ADGRB3: variants seen among roughly 807,000 people sequenced by gnomAD.
The protein encoded by ADGRB3 is brain-specific angiogenesis inhibitor 3.
In ADGRB3, 37 loss-of-function variants were observed where a neutral mutation model predicts 193.4. The ratio of observed to expected loss-of-function variants is 0.19; its 90% confidence interval spans 0.15 to 0.25. The LOEUF is 0.25. Among genes scored for constraint, ADGRB3 ranks in the 10% least tolerant of loss-of-function variants. ADGRB3 has a pLI of 1.00. For missense variants in ADGRB3, 1,637 were observed against 1,852.9 expected (o/e 0.88, Z 2.14); for synonymous variants, 690 against 644.2 (o/e 1.07, Z -1.08).
intron 3 of ADGRB3, among the ~76,000 whole-genome samples, chr6:68,788,697 C>A (rs972559545): frequency 5.3e-5 from 8 of 152,152 alleles, no homozygotes; most frequent in African/African-American, 1.4e-4. Context: ...GAGTTCAATT[C>A]CTGGGTATCC....
intron 3 of ADGRB3, among the ~76,000 whole-genome samples, chr6:68,906,596 C>G (rs1307772495): frequency 6.6e-6 from 1 of 151,904 alleles, no homozygotes; most frequent in Non-Finnish European, 1.5e-5. Flanking sequence ...AATTTAGAAT[C>G]CAATTGCATT....
At chr6:68,676,261 G>A (rs2746134) in intron 3 of ADGRB3, among the ~76,000 whole-genome samples, 57,746 of 151,562 alleles carry the variant, frequency 0.38, 11,572 homozygotes, top group East Asian at 0.59. Context: ...GCGTGGTGGC[G>A]CGTGCCTGTA....
At chr6:68,833,383 C>A (rs967014626) in intron 3 of ADGRB3, among the ~76,000 whole-genome samples, 1 of 151,342 alleles carries the variant, frequency 6.6e-6, no homozygotes, top group African/African-American at 2.4e-5. Flanking sequence ...TTATACTATT[C>A]TTGGTAATAT....
intron 20 of ADGRB3, among the ~76,000 whole-genome samples, chr6:69,250,280 C>T (rs1368280371): frequency 6.6e-6 from 1 of 151,786 alleles, no homozygotes; most frequent in Non-Finnish European, 1.5e-5. Context: ...ATGTGTATTG[C>T]TTTTACAAAA....
chr6:69,076,134 A>C, intron 17 of ADGRB3, 96 bp downstream of exon 17: 1 of 1,054,280 alleles, frequency 9.5e-7, no homozygotes, highest in South Asian at 1.4e-5. Flanking sequence ...AATATAAGTC[A>C]GTGGGATGTT....
intron 16 of ADGRB3, among the ~76,000 whole-genome samples, chr6:69,064,279 C>CTTTAAACTATTCTAAATAGTTTAACTA (rs1265388866): frequency 5.3e-5 from 8 of 151,414 alleles, no homozygotes; most frequent in Non-Finnish European, 8.9e-5. Context: ...AACTATTTAA[C>CTTTAAACTATTCTAAATAGTTTAACTA]TTTAAACTAT....
chr6:69,185,121 A>G (rs1765041956), intron 17 of ADGRB3, among the ~76,000 whole-genome samples: 1 of 152,164 alleles, frequency 6.6e-6, no homozygotes, highest in African/African-American at 2.4e-5. Flanking sequence ...ACAAGAAAAT[A>G]TCTTACGTTT....
At chr6:68,799,076 C>T (rs1013825647) in intron 3 of ADGRB3, among the ~76,000 whole-genome samples, 1 of 151,960 alleles carries the variant, frequency 6.6e-6, no homozygotes, top group Non-Finnish European at 1.5e-5. Context: ...ACATAAATAC[C>T]TTTTCGTTTA....
At chr6:69,377,445 T>C (rs2127343574) in intron 30 of ADGRB3, among the ~76,000 whole-genome samples, 1 of 152,088 alleles carries the variant, frequency 6.6e-6, no homozygotes, top group South Asian at 2.1e-4. Context: ...GCCAAAAAAC[T>C]TAAAAATATT....
chr6:69,382,436 A>G (rs1413975372), intron 30 of ADGRB3, among the ~76,000 whole-genome samples: 1 of 152,026 alleles, frequency 6.6e-6, no homozygotes, highest in Non-Finnish European at 1.5e-5. Context: ...TAAAAAAGTA[A>G]TATTTCCCAT....
intron 17 of ADGRB3, among the ~76,000 whole-genome samples, chr6:69,184,127 G>A (rs917382193): frequency 6.6e-6 from 1 of 152,080 alleles, no homozygotes; most frequent in Non-Finnish European, 1.5e-5. Flanking sequence ...AAAAGAAATG[G>A]ATACATCAAT....
At chr6:69,377,079 A>G (rs1213023479) in intron 30 of ADGRB3, among the ~76,000 whole-genome samples, 1 of 152,070 alleles carries the variant, frequency 6.6e-6, no homozygotes, top group Non-Finnish European at 1.5e-5. Context: ...AGCCAAGGAA[A>G]TCATCCCCCT....
At chr6:68,946,937 G>A (rs1682042148) in intron 6 of ADGRB3, among the ~76,000 whole-genome samples, 1 of 152,080 alleles carries the variant, frequency 6.6e-6, no homozygotes. Flanking sequence ...TATGCTATCA[G>A]ATTCCTTGCT....
intron 3 of ADGRB3, among the ~76,000 whole-genome samples, chr6:68,854,784 C>T (rs1764927492): frequency 6.6e-6 from 1 of 152,090 alleles, no homozygotes; most frequent in African/African-American, 2.4e-5. Context: ...CTGTGTTTTC[C>T]TTGCCTTGCC....
At chr6:68,795,041 C>T (rs1349170017) in intron 3 of ADGRB3, among the ~76,000 whole-genome samples, 3 of 152,042 alleles carry the variant, frequency 2.0e-5, no homozygotes, top group Non-Finnish European at 2.9e-5. Flanking sequence ...AAAATACACA[C>T]TAATGCCATA....
At chr6:69,243,817 G>A (rs1766432552) in intron 20 of ADGRB3, among the ~76,000 whole-genome samples, 1 of 151,786 alleles carries the variant, frequency 6.6e-6, no homozygotes, top group Admixed American at 6.6e-5. Flanking sequence ...GGGCATTCTT[G>A]GACTCCTCCT....
chr6:69,046,138 T>C (rs748792188), intron 13 of ADGRB3, among the ~76,000 whole-genome samples: 4 of 152,182 alleles, frequency 2.6e-5, no homozygotes, highest in Non-Finnish European at 5.9e-5. Flanking sequence ...TTCCATCTAA[T>C]GTGTATAGAG....
rs1396114395 is a variant in ADGRB3, at chr6:69,368,885, A to G, written c.4240-3521A>G. On this transcript the variant is annotated intron_variant, in intron 29 of 31. Transcript: ENST00000370598. ...TATTGAGAATAGAATACAAGTTGAG[A>G]TGAGTTCTAAGTGGGAAATTAAGAA... 5.9e-5 allele frequency among the ~76,000 whole-genome samples: 9 copies of G among 152,226 alleles called. No individual in the cohort carries two copies. In the East Asian group the frequency reaches 1.7e-3, roughly 29 times the overall value.
chr6:69,192,782 T>C (rs1454745888), intron 17 of ADGRB3, among the ~76,000 whole-genome samples: 1 of 152,100 alleles, frequency 6.6e-6, no homozygotes, highest in East Asian at 1.9e-4. Flanking sequence ...TTTTTGAGGG[T>C]CTGCTATATT....
Sources: gnomAD v4.1 joint callset for allele counts (sites outside exome capture counted in the v4.1 genomes callset) on GRCh38, gnomAD v4.1.1 for gene constraint, MANE v1.5 for transcripts, NCBI Gene and HGNC (gene_info 2026-07-23, HGNC 2026-07-21) for gene names.